Variants in TMEM269 observed in about 807,000 individuals in gnomAD.
TMEM269 encodes transmembrane protein 269.
In TMEM269, 12 loss-of-function variants were observed where a neutral mutation model predicts 15.8. The ratio of observed to expected loss-of-function variants is 0.76; its 90% CI spans 0.49 to 1.23. The LOEUF (loss-of-function observed/expected upper bound fraction) is 1.23. Among genes scored for constraint, TMEM269 ranks in the 50% most tolerant of loss-of-function variants. TMEM269 has a pLI of 0.00. For missense variants in TMEM269, 211 were observed against 245.4 expected (o/e 0.86, Z 0.94); for synonymous variants, 93 against 99.3 (o/e 0.94, Z 0.38).
chr1:42,789,336 CAGA>C, intron 1 of TMEM269: 5 of 1,062,338 alleles, frequency 4.7e-6, no homozygotes, highest in Non-Finnish European at 4.2e-6. Context: ...CCCTGTGCTT[CAGA>C]AGGAGTGAAC....
At chr1:42,790,235 G>A (rs1278752033) in intron 2 of TMEM269, among the ~76,000 whole-genome samples, 1 of 152,160 alleles carries the variant, frequency 6.6e-6, no homozygotes, top group Non-Finnish European at 1.5e-5. Context: ...ATATGACCTG[G>A]CAGAATATTT....
At chr1:42,792,455 G>A (rs1197120511) in intron 2 of TMEM269, among the ~76,000 whole-genome samples, 1 of 152,190 alleles carries the variant, frequency 6.6e-6, no homozygotes, top group African/African-American at 2.4e-5. Flanking sequence ...GGAGATGGTG[G>A]CAGAGGCTGG....
At position 42,797,958 on chromosome 1, in the gene TMEM269, C is replaced by T. The variant is rs1242298359; in HGVS notation, c.485-140C>T. 2.2e-6 allele frequency: 2 copies of T among 920,724 alleles called. No homozygotes were observed. The highest frequency in any genetic ancestry group is 3.5e-6 in the Non-Finnish European group (2 of 576,780). The allele number at this position is 920,724 out of a possible 1,614,324, so 57.0% of individuals were successfully genotyped here. A position where few individuals can be genotyped will look rare whatever the true frequency, so the allele number is the denominator to read the frequency against. ...TATTAAACTGAACTTGAAGACAGGG[C>T]TCCTGTCTCTTTCTGTTTGTTTCTT... On this transcript the variant is annotated intron_variant, in intron 5 of 5. Coordinates refer to ENST00000637012, the MANE Select transcript of TMEM269 (RefSeq NM_001354602.2). This position sits in a 1 kb window ranked among gnomAD's most constrained non-coding sequence, Gnocchi z 4.9.
chr1:42,792,864 G>A lies in TMEM269; in HGVS notation c.101G>A (p.Arg34Lys). The A allele has an allele frequency of 1.0e-5, 16 of 1,550,550 alleles. No homozygotes were observed. The highest frequency in any genetic ancestry group is 1.3e-5 in the Non-Finnish European group (15 of 1,147,002). The part of the protein sequence containing the change: ...LVSFLLDMAV[R>K]AMTSHINICS... ...AGCTTCCTGTTAGACATGGCAGTCAGGGCAATGACCAGCCACATCAACATA... is the reference window on the plus strand; with the variant it reads ...AGCTTCCTGTTAGACATGGCAGTCAAGGCAATGACCAGCCACATCAACATA... Residue 34 changes from arginine (R) to lysine (K), a missense_variant, in exon 3 of 6, where the codon AGG becomes AAG. By Grantham distance (26) the Arg-to-Lys change is conservative (BLOSUM62 2). Transcript: ENST00000637012.
rs1390812010 is a variant in TMEM269, at chr1:42,789,908, C to G, written c.15C>G (p.Leu5=). The G allele has an allele frequency of 6.4e-7, 1 of 1,550,692 alleles. No individual in the cohort carries two copies. Residue 5 remains leucine (L), a synonymous_variant, in exon 2 of 6, where the codon CTC becomes CTG. Transcript: ENST00000637012. MVLG[L]FSIIFSFSRK... is the part of the protein sequence containing the mutation. ...CTCTGGCCAACATGGTGCTGGGGCT[C>G]TTCTCCATCATCTTCAGCTTCAGCA...
chr1:42,794,682 C>A, intron 5 of TMEM269, 69 bp downstream of exon 5: 2 of 1,063,258 alleles, frequency 1.9e-6, no homozygotes, highest in African/African-American at 1.6e-5. Context: ...CTCACCCCAG[C>A]ATTTTTCTAT....
In TMEM269 at chr1:42,798,415, G is replaced by T; in HGVS notation, c.*190G>T. 2 of 675,512 alleles carry T rather than the reference G, an allele frequency of 3.0e-6. No homozygotes were observed. The highest frequency in any genetic ancestry group is 4.9e-6 in the Non-Finnish European group (2 of 411,464). The allele number at this position is 675,512 out of a possible 1,614,324, so 41.8% of individuals were successfully genotyped here. ...CTTCACTTCTTTGTCTTTATTCAGG[G>T]TTCTGACTCCCTTGCGGACAATACT... On this transcript the variant is annotated 3_prime_UTR_variant, in exon 6 of 6. Coordinates refer to ENST00000637012, the MANE Select transcript of TMEM269 (RefSeq NM_001354602.2).
rs1570509726 is a variant in TMEM269, at chr1:42,800,679, C to T, written c.*2454C>T. 1 of 152,296 alleles carries T rather than the reference C, an allele frequency of 6.6e-6. No individual in the cohort carries two copies. Among genetic ancestry groups the T allele is most frequent in the Non-Finnish European group, 1.5e-5 (1 of 68,020 alleles). The allele number at this position is 152,296 out of a possible 1,614,324, so 9.4% of individuals were successfully genotyped here. A position where few individuals can be genotyped will look rare whatever the true frequency, so the allele number is the denominator to read the frequency against. Reference sequence around the variant, plus strand: ...AATCTCTCTAAGCCTATTTTCCTATCTGTAAAATGGAGGATTTACTTCCTT... The same window carrying T: ...AATCTCTCTAAGCCTATTTTCCTATTTGTAAAATGGAGGATTTACTTCCTT... On this transcript the variant is annotated 3_prime_UTR_variant, in exon 6 of 6. Transcript: ENST00000637012.
At position 42,800,395 on chromosome 1, in the gene TMEM269, C is replaced by T. The variant is rs528357198; in HGVS notation, c.*2170C>T. On this transcript the variant is annotated 3_prime_UTR_variant, in exon 6 of 6. Transcript: ENST00000637012. ...ACAGTGGTTTTCTAAAATAGAATGT[C>T]TCTTCTTGGGCTTCCTCTTAGGAAC... 2.4e-4 allele frequency: 36 copies of T among 152,290 alleles called. No individual in the cohort carries two copies. The highest frequency in any genetic ancestry group is 8.4e-4 in the African/African-American group (35 of 41,560). 9.4% of individuals were successfully genotyped at this position (152,290 alleles called of 1,614,324 possible).
At chr1:42,785,431 A>G (rs999957638) in intron 1 of TMEM269, among the ~76,000 whole-genome samples, 1 of 152,192 alleles carries the variant, frequency 6.6e-6, no homozygotes, top group Admixed American at 6.5e-5. Flanking sequence ...TAGAAACCTC[A>G]GAGCCATATT....
intron 1 of TMEM269, among the ~76,000 whole-genome samples, chr1:42,787,659 C>T (rs1405279407): frequency 6.9e-6 from 1 of 144,626 alleles, no homozygotes; most frequent in South Asian, 2.2e-4. Context: ...ACAGAGCTCA[C>T]AGGGCCAATG....
chr1:42,789,488 C>T, intron 1 of TMEM269: 5 of 1,535,486 alleles, frequency 3.3e-6, no homozygotes, highest in Non-Finnish European at 4.4e-6. Context: ...TCAGGAGAGT[C>T]AGCATATGGA....
chr1:42,798,374 A>C lies in TMEM269; in HGVS notation c.*149A>C, dbSNP rs1287980309. On this transcript the variant is annotated 3_prime_UTR_variant, in exon 6 of 6. Coordinates refer to ENST00000637012, the MANE Select transcript of TMEM269 (RefSeq NM_001354602.2). ...CTGTTGCCATGAAGTTAGAAACCCA[A>C]AGCAGGGTCAGTGAACTTCACTTCT... 1 of 1,014,392 alleles carries C rather than the reference A, an allele frequency of 9.9e-7. No homozygotes were observed. The highest frequency in any genetic ancestry group is 1.4e-6 in the Non-Finnish European group (1 of 714,278). The allele number at this position is 1,014,392 out of a possible 1,614,324, so 62.8% of individuals were successfully genotyped here.
chr1:42,792,627 C>T (rs1280357053), intron 2 of TMEM269, among the ~76,000 whole-genome samples, 178 bp from the exon 3 acceptor site: 7 of 151,950 alleles, frequency 4.6e-5, no homozygotes, highest in African/African-American at 9.7e-5. Flanking sequence ...CAAAAAGCAG[C>T]ATATATCAGA....
intron 1 of TMEM269, among the ~76,000 whole-genome samples, chr1:42,785,513 C>G (rs577581532): frequency 5.3e-5 from 8 of 152,218 alleles, no homozygotes; most frequent in Non-Finnish European, 1.2e-4. Context: ...TCCTCGCCCC[C>G]ACCCCCGTCT....
chr1:42,794,834 C>T (rs1466864703), intron 5 of TMEM269, among the ~76,000 whole-genome samples: 1 of 152,144 alleles, frequency 6.6e-6, no homozygotes, highest in Non-Finnish European at 1.5e-5. Context: ...ATCCCCAGTG[C>T]CTAGAAGTGT....
Position 42,788,643 on chromosome 1 carries a change from C to T in TMEM269, c.-98-1153C>T, listed in dbSNP as rs1653590246. On this transcript the variant is annotated intron_variant, in intron 1 of 5. Coordinates refer to ENST00000637012, the MANE Select transcript of TMEM269 (RefSeq NM_001354602.2). This position sits in a 1 kb window ranked among gnomAD's most constrained non-coding sequence, Gnocchi z 4.0. ...GGCTGCTGCTGCCTCGCAGGCCTGG[C>T]CATTGAGCTCGTTCACTGCCATATC... Among the ~76,000 whole-genome samples, 1 of 152,152 alleles carries T rather than the reference C, an allele frequency of 6.6e-6. No individual in the cohort carries two copies. The highest frequency in any genetic ancestry group is 6.5e-5 in the Admixed American group (1 of 15,274).
At position 42,793,023 on chromosome 1, in the gene TMEM269, C is replaced by A. The variant is rs570096559; in HGVS notation, c.139+121C>A. On this transcript the variant is annotated intron_variant, in intron 3 of 5. Transcript: ENST00000637012. ...CAGGCATCCACCCCTGTTCACACCCCGCTGAGAGCAGCAGCAGCAGCAGCC... is the reference window on the plus strand; with the variant it reads ...CAGGCATCCACCCCTGTTCACACCCAGCTGAGAGCAGCAGCAGCAGCAGCC... The A allele has an allele frequency of 3.7e-5, 29 of 777,412 alleles. No homozygotes were observed. In the African/African-American group the frequency reaches 4.4e-4, roughly 12 times the overall value. 48.2% of individuals were successfully genotyped at this position (777,412 alleles called of 1,614,324 possible).
chr1:42,791,484 G>C (rs1282277618), intron 2 of TMEM269, among the ~76,000 whole-genome samples: 2 of 152,144 alleles, frequency 1.3e-5, no homozygotes, highest in Non-Finnish European at 2.9e-5. Flanking sequence ...AAAAGAAGAA[G>C]TCTCACGAAA....
Sources: allele counts gnomAD v4.1 joint callset (sites outside exome capture counted in the v4.1 genomes callset), GRCh38; gene constraint gnomAD v4.1.1; non-coding constraint Gnocchi (gnomAD v3.1); transcripts MANE v1.5; gene names NCBI Gene and HGNC (gene_info 2026-07-23, HGNC 2026-07-21).